The following OTUD7A variants were observed in gnomAD, a reference collection of about 807,000 sequenced individuals.
The protein encoded by OTUD7A is OTU deubiquitinase 7A.
Under a neutral mutation model 65.7 loss-of-function variants are expected in OTUD7A, and 12 were observed. The ratio of observed to expected loss-of-function variants is 0.18; its 90% CI spans 0.12 to 0.30. OTUD7A has a LOEUF of 0.30. Among genes scored for constraint, OTUD7A ranks in the 10% least tolerant of loss-of-function variants. The pLI is 1.00. For synonymous variants in OTUD7A, 641 were observed against 586.3 expected (o/e 1.09, Z -1.35); for missense variants, 1,148 against 1,304.8 (o/e 0.88, Z 1.85).
intron 3 of OTUD7A, among the ~76,000 whole-genome samples, chr15:31,643,570 A>G (rs1007912390): frequency 1.3e-5 from 2 of 152,208 alleles, no homozygotes; most frequent in East Asian, 1.9e-4. Context: ...AATAACTTTT[A>G]GTGCCCTTGT....
chr15:31,598,561 C>T (rs370817408), intron 3 of OTUD7A, among the ~76,000 whole-genome samples: 3 of 152,276 alleles, frequency 2.0e-5, no homozygotes, highest in African/African-American at 7.2e-5. Context: ...GGGTTTCAAG[C>T]ACAAAACTGG....
At chr15:31,766,374 T>C (rs1404217548) in intron 1 of OTUD7A, 3 of 1,588,388 alleles carry the variant, frequency 1.9e-6, no homozygotes, top group Non-Finnish European at 2.6e-6. Flanking sequence ...ACAACATAAC[T>C]GTAGAGCATC....
At chr15:31,657,773 C>T (rs1051629463) in intron 1 of OTUD7A, among the ~76,000 whole-genome samples, 1 of 152,182 alleles carries the variant, frequency 6.6e-6, no homozygotes, top group African/African-American at 2.4e-5. Context: ...CCCCAGCTAC[C>T]TGGGCCATCC....
intron 1 of OTUD7A, among the ~76,000 whole-genome samples, chr15:31,714,459 C>A (rs1391518151): frequency 6.6e-6 from 1 of 152,010 alleles, no homozygotes; most frequent in Non-Finnish European, 1.5e-5. Context: ...GGGGCAGATG[C>A]CTGCATCTCA....
intron 1 of OTUD7A, among the ~76,000 whole-genome samples, chr15:31,844,123 C>G (rs867831070): frequency 6.6e-6 from 1 of 152,326 alleles, no homozygotes. Flanking sequence ...TTTAAAGACA[C>G]TTTCCACCTT....
intron 8 of OTUD7A, among the ~76,000 whole-genome samples, chr15:31,516,233 G>A (rs2041852954): frequency 6.6e-6 from 1 of 152,226 alleles, no homozygotes; most frequent in Non-Finnish European, 1.5e-5. Context: ...TCTTTTCATG[G>A]CTAACTTAAG....
chr15:31,744,957 T>C (rs1894437698), intron 1 of OTUD7A, among the ~76,000 whole-genome samples: 1 of 152,102 alleles, frequency 6.6e-6, no homozygotes, highest in African/African-American at 2.4e-5. Context: ...TTATAATGGC[T>C]TTGAAAAAAC....
chr15:31,586,001 A>T (rs181657590), intron 3 of OTUD7A, among the ~76,000 whole-genome samples: 82 of 152,348 alleles, frequency 5.4e-4, no homozygotes, highest in African/African-American at 1.7e-3. Context: ...TATACATTAA[A>T]ATAGAAGAAA....
intron 12 of OTUD7A, among the ~76,000 whole-genome samples, chr15:31,485,272 G>A (rs2041220939): frequency 6.6e-6 from 1 of 152,318 alleles, no homozygotes; most frequent in East Asian, 1.9e-4. Flanking sequence ...CTCACCTCAC[G>A]CCAGGCATGG....
chr15:31,584,659 T>G (rs1889473984), intron 3 of OTUD7A, among the ~76,000 whole-genome samples: 1 of 152,192 alleles, frequency 6.6e-6, no homozygotes, highest in Admixed American at 6.5e-5. Flanking sequence ...AGTAGAAATC[T>G]GAAGAAAGTA....
intron 1 of OTUD7A, among the ~76,000 whole-genome samples, chr15:31,801,925 G>C (rs750989676): frequency 4.6e-5 from 7 of 151,514 alleles, no homozygotes; most frequent in African/African-American, 4.9e-5. Context: ...CATGGTGTAC[G>C]CATCTACACA....
At chr15:31,824,657 C>T (rs1218003456) in intron 1 of OTUD7A, among the ~76,000 whole-genome samples, 2 of 152,218 alleles carry the variant, frequency 1.3e-5, no homozygotes, top group Non-Finnish European at 2.9e-5. Context: ...TAGATATTCA[C>T]ACATCCGCTC....
intron 1 of OTUD7A, among the ~76,000 whole-genome samples, chr15:31,685,549 C>T (rs1377999384): frequency 1.3e-5 from 2 of 151,892 alleles, no homozygotes; most frequent in Non-Finnish European, 2.9e-5. Flanking sequence ...GTCCCAGCTA[C>T]TAGGGAGGCT....
intron 1 of OTUD7A, among the ~76,000 whole-genome samples, chr15:31,827,842 G>C (rs1896834593): frequency 2.3e-5 from 1 of 43,146 alleles, no homozygotes; most frequent in African/African-American, 5.1e-5. Context: ...CAGGAGAATT[G>C]CTTGAACTTG....
At chr15:31,681,377 G>A (rs1278161550) in intron 1 of OTUD7A, among the ~76,000 whole-genome samples, 3 of 152,048 alleles carry the variant, frequency 2.0e-5, no homozygotes, top group Non-Finnish European at 4.4e-5. Flanking sequence ...CAGTATGTCT[G>A]TAGGTCTTTG....
At position 31,655,328 on chromosome 15, in the gene OTUD7A, G is replaced by A. The variant is rs867360519; in HGVS notation, c.-4-78C>T. The stretch of plus-strand genomic sequence containing the variant: ...AAGTGACAACTACATGCAGAGACCT[G>A]AGCGAGAGAACCCTCGAGGGTGGAG... On this transcript the variant is annotated intron_variant, in intron 2 of 12. Transcript: ENST00000307050. 453 of 649,506 alleles carry A rather than the reference G, an allele frequency of 7.0e-4. 2 individuals are homozygous for A. Among genetic ancestry groups the A allele is most frequent in the Middle Eastern group, 3.0e-3 (7 of 2,364 alleles). 40.2% of individuals were successfully genotyped at this position (649,506 alleles called of 1,614,324 possible). A position where few individuals can be genotyped will look rare whatever the true frequency, so the allele number is the denominator to read the frequency against.
chr15:31,646,578 A>AGC (rs1891676221), intron 3 of OTUD7A, among the ~76,000 whole-genome samples: 1 of 151,452 alleles, frequency 6.6e-6, no homozygotes, highest in Admixed American at 6.6e-5. Context: ...CTCCTGCCTC[A>AGC]GCCTCTTGAG....
intron 3 of OTUD7A, among the ~76,000 whole-genome samples, chr15:31,571,087 A>G (rs1889040603): frequency 6.6e-6 from 1 of 152,214 alleles, no homozygotes; most frequent in Non-Finnish European, 1.5e-5. Flanking sequence ...GGATATCCCA[A>G]TTAGCCAGAT....
chr15:31,698,337 G>A (rs1013157028), intron 1 of OTUD7A, among the ~76,000 whole-genome samples: 7 of 152,122 alleles, frequency 4.6e-5, no homozygotes, highest in African/African-American at 1.4e-4. Context: ...CAAAGAGACC[G>A]GCAAGAGGGG....
Sources: gnomAD v4.1 joint callset for allele counts (sites outside exome capture counted in the v4.1 genomes callset) on GRCh38, gnomAD v4.1.1 for gene constraint, MANE v1.5 for transcripts, NCBI Gene and HGNC (gene_info 2026-07-23, HGNC 2026-07-21) for gene names.